Variants in PPP1R12B observed in about 807,000 individuals in gnomAD.
PPP1R12B encodes the protein myosin phosphatase target subunit 2.
Under a neutral mutation model 126.1 loss-of-function variants are expected in PPP1R12B, and 76 were observed. The ratio of observed to expected loss-of-function variants is 0.60; its 90% CI spans 0.50 to 0.73. The LOEUF (loss-of-function observed/expected upper bound fraction) is 0.73, where lower values mean the gene tolerates loss of function less well. Among genes scored for constraint, PPP1R12B ranks in the 30% least tolerant of loss-of-function variants. The probability of loss-of-function intolerance (pLI) is 0.00; values close to 1 mark genes in which losing one functional copy is unlikely to be tolerated. For synonymous variants in PPP1R12B, 356 were observed against 434.7 expected (o/e 0.82, Z 2.25); for missense variants, 1,052 against 1,205.1 (o/e 0.87, Z 1.88).
At chr1:202,480,458 T>C (rs6679552) in intron 13 of PPP1R12B, among the ~76,000 whole-genome samples, 65,880 of 152,004 alleles carry the variant, frequency 0.43, 15,611 homozygotes, top group East Asian at 0.7. Context: ...CAGAACACCG[T>C]TTTTACTTCA....
chr1:202,468,755 A>G (rs1675426859), intron 13 of PPP1R12B, among the ~76,000 whole-genome samples: 1 of 152,114 alleles, frequency 6.6e-6, no homozygotes. Context: ...GGAGTTCAAG[A>G]CCAGCCTGGC....
chr1:202,439,526 G>C, intron 10 of PPP1R12B: 1 of 1,529,050 alleles, frequency 6.5e-7, no homozygotes, highest in Admixed American at 1.9e-5. Context: ...CTGTTGCCTT[G>C]GGGGGTGTGG....
chr1:202,514,385 T>C (rs1487253557), intron 18 of PPP1R12B, among the ~76,000 whole-genome samples: 1 of 152,180 alleles, frequency 6.6e-6, no homozygotes, highest in Admixed American at 6.5e-5. Flanking sequence ...AGGTTGTCTG[T>C]ACTCTGTTGA....
chr1:202,421,981 C>G (rs1461624163), intron 2 of PPP1R12B, among the ~76,000 whole-genome samples: 2 of 152,110 alleles, frequency 1.3e-5, no homozygotes, highest in Non-Finnish European at 2.9e-5. Context: ...ATAATGTTGC[C>G]TAAGACTTAT....
chr1:202,547,715 A>G (rs957032935), intron 18 of PPP1R12B, among the ~76,000 whole-genome samples: 1 of 152,234 alleles, frequency 6.6e-6, no homozygotes, highest in African/African-American at 2.4e-5. Context: ...GGAAGGACAT[A>G]TATCCATCCA....
chr1:202,438,330 A>AGGG, intron 10 of PPP1R12B: 1 of 1,230,244 alleles, frequency 8.1e-7, no homozygotes, highest in Non-Finnish European at 1.1e-6. Context: ...AGTATGGCGG[A>AGGG]GGGGGGCACA....
intron 15 of PPP1R12B, among the ~76,000 whole-genome samples, chr1:202,494,067 C>A (rs768174137): frequency 6.6e-6 from 1 of 152,202 alleles, no homozygotes; most frequent in Non-Finnish European, 1.5e-5. Flanking sequence ...ATTACCCCTC[C>A]TTTGCACTCT....
chr1:202,445,523 A>G (rs1274191943), intron 12 of PPP1R12B, among the ~76,000 whole-genome samples: 1 of 152,260 alleles, frequency 6.6e-6, no homozygotes, highest in Non-Finnish European at 1.5e-5. Context: ...TAAGGATCAT[A>G]CTATTGTGGT....
intron 12 of PPP1R12B, among the ~76,000 whole-genome samples, chr1:202,443,477 A>G (rs1160879946): frequency 6.6e-6 from 1 of 152,248 alleles, no homozygotes; most frequent in East Asian, 1.9e-4. Flanking sequence ...TCAACTAGTT[A>G]TTGTTGAAAC....
chr1:202,485,272 C>T (rs1677938607), intron 13 of PPP1R12B, among the ~76,000 whole-genome samples: 1 of 152,066 alleles, frequency 6.6e-6, no homozygotes, highest in South Asian at 2.1e-4. Context: ...CTACAGGTGC[C>T]TGTGTGAACA....
chr1:202,422,161 GA>G (rs1668880466), intron 2 of PPP1R12B, among the ~76,000 whole-genome samples: 1 of 152,170 alleles, frequency 6.6e-6, no homozygotes, highest in South Asian at 2.1e-4. Flanking sequence ...TACAGCACAG[GA>G]AGATTTCATG....
Position 202,495,672 on chromosome 1 carries a change from G to C in PPP1R12B, c.2438G>C (p.Trp813Ser). 6.2e-7 allele frequency: 1 copy of C among 1,613,942 alleles called. No homozygotes were observed. Among genetic ancestry groups the C allele is most frequent in the Non-Finnish European group, 8.5e-7 (1 of 1,179,886 alleles). The change falls in exon 17 of 24, where the codon TGG (tryptophan) becomes TCG (serine). Residue 813 changes from tryptophan (W) to serine (S), a missense_variant. Physicochemically the swap from Trp to Ser is radical, Grantham distance 177. Coordinates refer to ENST00000608999, the MANE Select transcript of PPP1R12B (RefSeq NM_002481.4). ...ERRRGTGINF[W>S]TKDEDETDGS... ...CGAAGAGGCACAGGCATCAATTTCT[G>C]GACAAAGGATGTAAGTGGATTGGTC...
chr1:202,461,036 T>C (rs1441417603), intron 13 of PPP1R12B, among the ~76,000 whole-genome samples: 1 of 152,018 alleles, frequency 6.6e-6, no homozygotes, highest in Non-Finnish European at 1.5e-5. Flanking sequence ...CTAGACTTAG[T>C]GGGAAATGCA....
chr1:202,430,867 T>G, intron 7 of PPP1R12B, 57 bp downstream of exon 7: 1 of 1,554,696 alleles, frequency 6.4e-7, no homozygotes, highest in South Asian at 1.2e-5. Flanking sequence ...AGTGACATAC[T>G]TAACTTCAGA....
intron 18 of PPP1R12B, among the ~76,000 whole-genome samples, chr1:202,512,381 G>A (rs1681628090): frequency 6.6e-6 from 1 of 152,174 alleles, no homozygotes; most frequent in African/African-American, 2.4e-5. Context: ...AAACTCAGCA[G>A]GATTTGATGT....
chr1:202,537,764 C>T lies in PPP1R12B; in HGVS notation c.2491-21113C>T, dbSNP rs543446154. On this transcript the variant is annotated intron_variant, in intron 18 of 23. Transcript: ENST00000608999. ...CATGCCTTTAAGGAATAATGTAAAC[C>T]GGTGACTTTCATTCAACATATCAAA... Among the ~76,000 whole-genome samples, 13 of 152,192 alleles carry T rather than the reference C, an allele frequency of 8.5e-5. No homozygotes were observed. In the South Asian group the frequency reaches 2.1e-3, roughly 24 times the overall value.
intron 1 of PPP1R12B, among the ~76,000 whole-genome samples, chr1:202,381,406 G>GGA (rs1662250081): frequency 7.3e-6 from 1 of 136,376 alleles, no homozygotes; most frequent in Non-Finnish European, 1.6e-5. Flanking sequence ...GGGTGTGTGT[G>GGA]TGTGTGTGTG....
intron 18 of PPP1R12B, among the ~76,000 whole-genome samples, chr1:202,541,349 A>G (rs187256234): frequency 9.8e-5 from 15 of 152,360 alleles, no homozygotes; most frequent in African/African-American, 2.6e-4. Context: ...AGGGATGAGA[A>G]TACCAAAAGA....
intron 13 of PPP1R12B, among the ~76,000 whole-genome samples, chr1:202,461,826 T>C (rs1472288269): frequency 2.6e-5 from 4 of 152,092 alleles, no homozygotes; most frequent in African/African-American, 4.8e-5. Context: ...CACCAAGCAG[T>C]GTCCAGGAAT....
Sources: allele counts gnomAD v4.1 joint callset (sites outside exome capture counted in the v4.1 genomes callset), GRCh38; gene constraint gnomAD v4.1.1; transcripts MANE v1.5; gene names NCBI Gene and HGNC (gene_info 2026-07-23, HGNC 2026-07-21).